NGB: variants seen among roughly 807,000 people sequenced by gnomAD.
NGB encodes neuroglobin.
NGB carries 12 observed loss-of-function variants against 17.3 expected under a neutral mutation model. The observed-to-expected ratio is 0.69, with a 90% CI of 0.45 to 1.13. The LOEUF is 1.13. Ranked by LOEUF, NGB falls within the 50% of genes most tolerant of loss-of-function variation. NGB has a pLI of 0.00. For missense variants in NGB, 195 were observed against 191.7 expected (o/e 1.02, Z -0.10); for synonymous variants, 87 against 81.0 (o/e 1.07, Z -0.40).
At chr14:77,267,274 C>T (rs561128053) in intron 3 of NGB, among the ~76,000 whole-genome samples, 26 of 152,316 alleles carry the variant, frequency 1.7e-4, no homozygotes, top group Non-Finnish European at 2.6e-4. Flanking sequence ...GGTGCAGTAG[C>T]TCACGCCTAT....
intron 1 of NGB, among the ~76,000 whole-genome samples, chr14:77,269,554 AG>A (rs889221213): frequency 6.6e-6 from 1 of 152,122 alleles, no homozygotes. Flanking sequence ...AATGTGTCCC[AG>A]GGCCTCTGGT....
chr14:77,266,472 C>A lies in NGB; in HGVS notation c.*64G>T. ...TGCAGGGAAGCTTGGGGAGCCTGGG[C>A]TACAACAGATACAGGCCAACAGACA... is the stretch of plus-strand genomic sequence containing the variant. On this transcript the variant is annotated 3_prime_UTR_variant, in exon 4 of 4. Coordinates refer to ENST00000298352, the MANE Select transcript of NGB (RefSeq NM_021257.4). 6.3e-7 allele frequency: 1 copy of A among 1,579,390 alleles called. No homozygotes were observed. The highest frequency in any genetic ancestry group is 8.6e-7 in the Non-Finnish European group (1 of 1,160,646).
Position 77,266,305 on chromosome 14 carries a change from AAG to A in NGB, c.*229_*230del, listed in dbSNP as rs745603550. The A allele has an allele frequency of 1.3e-6, 1 of 769,246 alleles. No individual in the cohort carries two copies. The highest frequency in any genetic ancestry group is 1.4e-5 in the South Asian group (1 of 73,718). 47.7% of individuals were successfully genotyped at this position (769,246 alleles called of 1,614,324 possible). ...AAAAAAGGTAAAAAGAAACGCAAGA[AAG>A]AGGCTACTGGGGATGAGGGGACACC... is the stretch of plus-strand genomic sequence containing the variant. On this transcript the variant is annotated 3_prime_UTR_variant, in exon 4 of 4. Transcript: ENST00000298352.
chr14:77,266,521 G>C lies in NGB; in HGVS notation c.*15C>G, dbSNP rs758198892. The C allele has an allele frequency of 1.9e-6, 3 of 1,607,930 alleles. No homozygotes were observed. The highest frequency in any genetic ancestry group is 2.2e-5 in the East Asian group (1 of 44,792). On this transcript the variant is annotated 3_prime_UTR_variant, in exon 4 of 4. Coordinates refer to ENST00000298352, the MANE Select transcript of NGB (RefSeq NM_021257.4). The stretch of plus-strand genomic sequence containing the variant: ...CAGACACAGATGGATGGGGGCTGCC[G>C]GGCGGGGTCGCCTCTTACTCGCCAT...
intron 1 of NGB, among the ~76,000 whole-genome samples, chr14:77,269,675 T>C (rs1295829857): frequency 7.4e-3 from 7 of 944 alleles, no homozygotes; most frequent in Non-Finnish European, 0.015. Context: ...CCTTTCTCTC[T>C]CTCTCTCTCT....
rs754022432 is a variant in NGB, at chr14:77,268,577, G to A, written c.210C>T (p.Leu70=). ...EFLDHIRKVM[L]VIDAAVTNVE... ...CATTGGTCACTGCAGCATCAATCAC[G>A]AGCATCACCTGCCAAGGCCAAGGCA... Residue 70 remains leucine (L), a synonymous_variant, in exon 3 of 4, where the codon CTC becomes CTT. Coordinates refer to ENST00000298352, the MANE Select transcript of NGB (RefSeq NM_021257.4). 3.9e-5 allele frequency: 63 copies of A among 1,613,816 alleles called. No individual in the cohort carries two copies. Among genetic ancestry groups the A allele is most frequent in the South Asian group, 2.2e-5 (2 of 91,066 alleles).
intron 1 of NGB, 149 bp downstream of exon 1, chr14:77,270,700 C>G (rs1889762208): frequency 5.7e-6 from 4 of 697,192 alleles, no homozygotes; most frequent in East Asian, 3.0e-5. Flanking sequence ...CCCGTCGCCG[C>G]GCCCCGCTCC....
At chr14:77,268,917 G>A (rs1215322877) in intron 2 of NGB, among the ~76,000 whole-genome samples, 2 of 152,208 alleles carry the variant, frequency 1.3e-5, no homozygotes, top group Non-Finnish European at 2.9e-5. Context: ...ATCTCAGCCT[G>A]ATTTTCATAG....
At chr14:77,270,776 G>T in intron 1 of NGB, 73 bp downstream of exon 1, 1 of 1,315,324 alleles carries the variant, frequency 7.6e-7, no homozygotes, top group Non-Finnish European at 1.1e-6. Flanking sequence ...CTTCGGGGCC[G>T]GTCCTGCCGC....
At chr14:77,269,190 C>T (rs1156482126) in intron 2 of NGB, 25 bp downstream of exon 2, 1 of 1,422,852 alleles carries the variant, frequency 7.0e-7, no homozygotes, top group Non-Finnish European at 9.7e-7. Context: ...TCCCAGAGGT[C>T]ACAGCAGCTC....
At chr14:77,269,356 T>C (rs764709770) in intron 1 of NGB, 30 bp from the exon 2 acceptor site, 5 of 1,471,122 alleles carry the variant, frequency 3.4e-6, no homozygotes, top group Non-Finnish European at 4.7e-6. Context: ...GTGTTAGCCC[T>C]GGGGTGTGAG....
chr14:77,270,752 G>A, intron 1 of NGB, 97 bp downstream of exon 1: 1 of 1,136,352 alleles, frequency 8.8e-7, no homozygotes, highest in Non-Finnish European at 1.3e-6. Context: ...CCCGGCAGCG[G>A]CCAGTTTTCC....
chr14:77,268,572 A>T lies in NGB; in HGVS notation c.215T>A (p.Ile72Asn), dbSNP rs1451666360. Residue 72 changes from isoleucine to asparagine, a missense_variant, in exon 3 of 4, where the codon ATT becomes AAT. By Grantham distance (149) the Ile-to-Asn change is moderately radical (BLOSUM62 -3). Transcript: ENST00000298352. ...LDHIRKVMLV[I>N]DAAVTNVEDL... is the part of the protein sequence containing the mutation. ...TTCCACATTGGTCACTGCAGCATCAATCACGAGCATCACCTGCCAAGGCCA... is the reference window on the plus strand; with the variant it reads ...TTCCACATTGGTCACTGCAGCATCATTCACGAGCATCACCTGCCAAGGCCA... 6.2e-7 allele frequency: 1 copy of T among 1,613,988 alleles called. No homozygotes were observed. The highest frequency in any genetic ancestry group is 1.7e-5 in the Admixed American group (1 of 60,008).
intron 1 of NGB, among the ~76,000 whole-genome samples, chr14:77,270,066 G>C (rs1390012730): frequency 2.0e-5 from 3 of 151,920 alleles, no homozygotes; most frequent in East Asian, 3.9e-4. Context: ...GGTCTCACCG[G>C]GTAACTGAAT....
chr14:77,268,115 G>C (rs1889698574), intron 3 of NGB, among the ~76,000 whole-genome samples: 2 of 152,210 alleles, frequency 1.3e-5, no homozygotes, highest in Admixed American at 1.3e-4. Context: ...GCTACACCAT[G>C]TGGAGCAGAA....
At chr14:77,269,935 G>C (rs1161366424) in intron 1 of NGB, among the ~76,000 whole-genome samples, 1 of 150,100 alleles carries the variant, frequency 6.7e-6, no homozygotes, top group Non-Finnish European at 1.5e-5. Flanking sequence ...AGCCCGGGGA[G>C]GCTAGAACTC....
At chr14:77,270,670 G>A (rs965966320) in intron 1 of NGB, among the ~76,000 whole-genome samples, 179 bp downstream of exon 1, 1 of 152,222 alleles carries the variant, frequency 6.6e-6, no homozygotes, top group East Asian at 1.9e-4. Flanking sequence ...GGTCGAGAGA[G>A]AGGCAGAGGG....
Position 77,268,497 on chromosome 14 carries a change from C to T in NGB, c.290G>A (p.Arg97Gln), listed in dbSNP as rs768424283. ...EYLASLGRKH[R>Q]AVGVKLSSFS... ...GGAGCTGAGCTTCACACCCACTGCC[C>T]GGTGCTTCCTGCCCAGGCTGGCAAG... Residue 97 changes from arginine to glutamine, a missense_variant, in exon 3 of 4, where the codon CGG (arginine) becomes CAG (glutamine). By Grantham distance (43) the Arg-to-Gln change is conservative (BLOSUM62 1). Transcript: ENST00000298352. The T allele has an allele frequency of 8.1e-5, 131 of 1,613,572 alleles. No individual in the cohort carries two copies. The highest frequency in any genetic ancestry group is 6.6e-4 in the Middle Eastern group (4 of 6,062).
Position 77,270,877 on chromosome 14 carries a change from G to C in NGB, c.61C>G (p.Leu21Val). 1 of 1,585,966 alleles carries C rather than the reference G, an allele frequency of 6.3e-7. No individual in the cohort carries two copies. The highest frequency in any genetic ancestry group is 8.5e-7 in the Non-Finnish European group (1 of 1,172,646). ...GCAAACAGGACGGTGCCGTGCTCCAGCGGGCTGCGGCTCACTGCCCGCCAG... is the reference window on the plus strand; with the variant it reads ...GCAAACAGGACGGTGCCGTGCTCCACCGGGCTGCGGCTCACTGCCCGCCAG... ...QSWRAVSRSP[L>V]EHGTVLFARL... The change falls in exon 1 of 4, where the codon CTG becomes GTG. Residue 21 changes from leucine (L) to valine (V), a missense_variant. Coordinates refer to ENST00000298352, the MANE Select transcript of NGB (RefSeq NM_021257.4).
Sources: allele counts gnomAD v4.1 joint callset (sites outside exome capture counted in the v4.1 genomes callset), GRCh38; gene constraint gnomAD v4.1.1; transcripts MANE v1.5; gene names NCBI Gene and HGNC (gene_info 2026-07-23, HGNC 2026-07-21).